FKBP9: variants seen among roughly 807,000 people sequenced by gnomAD.
FKBP9 encodes peptidyl-prolyl cis-trans isomerase FKBP9.
In FKBP9, 27 loss-of-function variants were observed where a neutral mutation model predicts 55.6. The ratio of observed to expected loss-of-function variants is 0.49; its 90% confidence interval spans 0.36 to 0.67. The LOEUF (loss-of-function observed/expected upper bound fraction) is 0.67, where lower values mean the gene tolerates loss of function less well. Ranked by LOEUF, FKBP9 falls within the 30% of genes least tolerant of loss-of-function variation. The pLI, the probability that FKBP9 is intolerant of heterozygous loss-of-function variation, is 0.00. For missense variants in FKBP9, 539 were observed against 742.8 expected, an observed-to-expected ratio of 0.73 and a Z score of 3.19; for synonymous variants, 267 against 296.5, an observed-to-expected ratio of 0.90 and a Z score of 1.02.
At chr7:32,986,987 A>C (rs1784591647) in intron 5 of FKBP9, among the ~76,000 whole-genome samples, 1 of 152,152 alleles carries the variant, frequency 6.6e-6, no homozygotes, top group Admixed American at 6.5e-5. Flanking sequence ...TCTTTTTACC[A>C]AACTCATGGT....
intron 5 of FKBP9, among the ~76,000 whole-genome samples, chr7:32,983,682 A>C (rs573166995): frequency 6.7e-4 from 102 of 152,342 alleles, no homozygotes; most frequent in African/African-American, 2.4e-3. Flanking sequence ...TTTACTCAGC[A>C]TCACAGTTTA....
In FKBP9 at chr7:32,957,582, C is replaced by T; in HGVS notation, c.9C>T (p.Phe3=). Residue 3 remains phenylalanine, a synonymous_variant, in exon 1 of 10, where the codon TTC becomes TTT. Transcript: ENST00000242209. ...CTCTTCTCGCCGCCCCGATGGCGTT[C>T]CGGGGCTGGAGGCCCCCGCCGCCAC... is the stretch of plus-strand genomic sequence containing the variant. MA[F]RGWRPPPPPL... 2 of 1,467,432 alleles carry T rather than the reference C, an allele frequency of 1.4e-6. No homozygotes were observed. The highest frequency in any genetic ancestry group is 1.8e-6 in the Non-Finnish European group (2 of 1,118,622). 90.9% of individuals were successfully genotyped at this position (1,467,432 alleles called of 1,614,324 possible). A position where few individuals can be genotyped will look rare whatever the true frequency, so the allele number is the denominator to read the frequency against.
At chr7:32,964,555 C>A (rs1440253458) in intron 1 of FKBP9, among the ~76,000 whole-genome samples, 1 of 152,138 alleles carries the variant, frequency 6.6e-6, no homozygotes, top group African/African-American at 2.4e-5. Context: ...TGAATGGAGG[C>A]GTTCTCTTTC....
At chr7:32,970,855 C>CGAG (rs1784237926) in intron 1 of FKBP9, among the ~76,000 whole-genome samples, 4 of 151,484 alleles carry the variant, frequency 2.6e-5, no homozygotes. Context: ...TCTTCCTTTC[C>CGAG]AATTTCTGTG....
In FKBP9 at chr7:32,957,496, A is replaced by T; in HGVS notation, c.-78A>T. 8.6e-7 allele frequency: 1 copy of T among 1,157,872 alleles called. No individual in the cohort carries two copies. Among genetic ancestry groups the T allele is most frequent in the Non-Finnish European group, 1.1e-6 (1 of 889,506 alleles). The allele number at this position is 1,157,872 out of a possible 1,614,324, so 71.7% of individuals were successfully genotyped here. On this transcript the variant is annotated 5_prime_UTR_variant, in exon 1 of 10. Transcript: ENST00000242209. ...GCCAGGAGACCCGGTCCACGTTTGC[A>T]AACGCAGCCGAACGCCCAGGCCGAC...
chr7:32,988,561 T>A lies in FKBP9; in HGVS notation c.948T>A (p.Pro316=). ...DTYIGQGYVI[P]GMDEGLLGVC... ...ACATTGGGCAGGGCTACGTGATTCC[T>A]GGGATGGATGAAGGTCTACTTGGTG... The change falls in exon 6 of 10, where the codon CCT becomes CCA. Residue 316 remains proline (P), a synonymous_variant. Coordinates refer to ENST00000242209, the MANE Select transcript of FKBP9 (RefSeq NM_007270.5). 1 of 1,613,898 alleles carries A rather than the reference T, an allele frequency of 6.2e-7. No individual in the cohort carries two copies. Among genetic ancestry groups the A allele is most frequent in the East Asian group, 2.2e-5 (1 of 44,880 alleles).
intron 5 of FKBP9, among the ~76,000 whole-genome samples, chr7:32,983,325 T>G (rs112404571): frequency 6.6e-6 from 1 of 150,434 alleles, no homozygotes. Context: ...CGCCCTGCCT[T>G]TTTTTTTGAG....
At chr7:32,977,890 T>TATATATATATATATATATATAC (rs1473389643) in intron 4 of FKBP9, among the ~76,000 whole-genome samples, 4 of 139,326 alleles carry the variant, frequency 2.9e-5, no homozygotes, top group African/African-American at 8.0e-5. Flanking sequence ...TATGTATATA[T>TATATATATATATATATATATAC]ACACTCATAT....
At chr7:32,973,333 A>G (rs1469876951) in intron 1 of FKBP9, among the ~76,000 whole-genome samples, 12 of 152,112 alleles carry the variant, frequency 7.9e-5, no homozygotes, top group Admixed American at 7.9e-4. Flanking sequence ...AGCCTTTAAA[A>G]CACGTATATT....
chr7:32,988,571 G>A lies in FKBP9; in HGVS notation c.958G>A (p.Glu320Lys), dbSNP rs13246887. 6.0e-3 allele frequency: 9,631 copies of A among 1,613,896 alleles called. 39 individuals are homozygous for A. The highest frequency in any genetic ancestry group is 7.1e-3 in the Non-Finnish European group (8,404 of 1,179,814). Reference protein sequence around the residue: ...GQGYVIPGMDEGLLGVCIGEK... With the variant: ...GQGYVIPGMDKGLLGVCIGEK... ...GGGCTACGTGATTCCTGGGATGGAT[G>A]AAGGTCTACTTGGTGTTTGCATTGG... The change falls in exon 6 of 10, where the codon GAA (glutamate) becomes AAA (lysine). Residue 320 changes from glutamate to lysine, a missense_variant. Transcript: ENST00000242209.
chr7:32,991,439 T>C (rs143718403), intron 6 of FKBP9, among the ~76,000 whole-genome samples: 3,076 of 152,252 alleles, frequency 0.02, 82 homozygotes, highest in African/African-American at 0.055. Flanking sequence ...GGGGGTTACA[T>C]AGGAGCTCGT....
rs759574063 is a variant in FKBP9, at chr7:32,988,645, A to T, written c.1032A>T (p.Glu344Asp). The change falls in exon 6 of 10, where the codon GAA (glutamate) becomes GAT (aspartate). Residue 344 changes from glutamate to aspartate, a missense_variant. Around this residue, in one of 4 missense-constraint regions of FKBP9, gnomAD observed 172 missense variants for 205.3 expected, o/e 0.84. Transcript: ENST00000242209. ...VVPPHLGYGE[E>D]GRGNIPGSAV... is the part of the protein sequence containing the mutation. ...CGCCTCACCTGGGGTATGGAGAGGA[A>T]GGAAGAGGTGAGCATCAGCATCACC... 1.2e-6 allele frequency: 2 copies of T among 1,613,840 alleles called. No individual in the cohort carries two copies. Among genetic ancestry groups the T allele is most frequent in the Non-Finnish European group, 1.7e-6 (2 of 1,179,842 alleles).
chr7:32,996,778 CTTTTTTTTTTTTT>C (rs1170596077), intron 7 of FKBP9, among the ~76,000 whole-genome samples: 2 of 32,340 alleles, frequency 6.2e-5, no homozygotes, highest in Non-Finnish European at 1.1e-4. Context: ...AAGTCTCACT[CTTTTTTTTTTTTT>C]TTTTTTTTTT....
At chr7:32,960,290 T>C (rs1783995775) in intron 1 of FKBP9, among the ~76,000 whole-genome samples, 1 of 151,718 alleles carries the variant, frequency 6.6e-6, no homozygotes, top group Non-Finnish European at 1.5e-5. Flanking sequence ...AATTTTTGTA[T>C]TTTTAGTAGA....
intron 6 of FKBP9, among the ~76,000 whole-genome samples, chr7:32,990,405 C>A (rs1396900431): frequency 6.6e-6 from 1 of 152,168 alleles, no homozygotes. Flanking sequence ...CCTAACAATA[C>A]CTTGAATTTA....
chr7:32,960,543 T>C (rs1049429407), intron 1 of FKBP9, among the ~76,000 whole-genome samples: 1 of 152,264 alleles, frequency 6.6e-6, no homozygotes, highest in African/African-American at 2.4e-5. Flanking sequence ...TCTTCTTTCA[T>C]GTGCTTCTTT....
At chr7:32,979,416 A>G in intron 4 of FKBP9, 2 of 957,884 alleles carry the variant, frequency 2.1e-6, no homozygotes, top group South Asian at 1.4e-5. Flanking sequence ...CACACCTTGC[A>G]TTCCAGGGGC....
At position 33,006,835 on chromosome 7, in the gene FKBP9, T is replaced by C. The variant is rs974522130; in HGVS notation, c.*1484T>C. The C allele has an allele frequency of 5.1e-6, 1 of 194,292 alleles. No homozygotes were observed. Among genetic ancestry groups the C allele is most frequent in the Non-Finnish European group, 1.1e-5 (1 of 93,206 alleles). 12.0% of individuals were successfully genotyped at this position (194,292 alleles called of 1,614,324 possible). On this transcript the variant is annotated 3_prime_UTR_variant, in exon 10 of 10. Coordinates refer to ENST00000242209, the MANE Select transcript of FKBP9 (RefSeq NM_007270.5). Reference sequence around the variant, plus strand: ...TAATTTAAACTATTTTGTACTGATGTAGCCCTGAGGTAGTTCATGAAAATG... The same window carrying C: ...TAATTTAAACTATTTTGTACTGATGCAGCCCTGAGGTAGTTCATGAAAATG...
At chr7:32,982,216 T>C (rs1784491134) in intron 5 of FKBP9, among the ~76,000 whole-genome samples, 1 of 152,076 alleles carries the variant, frequency 6.6e-6, no homozygotes, top group African/African-American at 2.4e-5. Flanking sequence ...AAACGGGGTT[T>C]CACCATATTG....
Sources: allele counts gnomAD v4.1 joint callset (sites outside exome capture counted in the v4.1 genomes callset), GRCh38; gene constraint gnomAD v4.1.1; regional missense constraint gnomAD v4.1.1; transcripts MANE v1.5; gene names NCBI Gene and HGNC (gene_info 2026-07-23, HGNC 2026-07-21).